The following CTNNA3 variants were observed in gnomAD, a reference collection of about 807,000 sequenced individuals.
The protein encoded by CTNNA3 is catenin alpha-3.
In CTNNA3, 76 loss-of-function variants were observed where a neutral mutation model predicts 95.7. The observed-to-expected ratio is 0.79, with a 90% confidence interval of 0.66 to 0.96. The LOEUF is 0.96. CTNNA3 is among the 40% of genes least tolerant of loss of function. The pLI is 0.00. For synonymous variants in CTNNA3, 431 were observed against 374.4 expected (o/e 1.15, Z -1.74); for missense variants, 1,191 against 1,089.8 (o/e 1.09, Z -1.31).
chr10:66,772,255 C>A (rs534451492), intron 8 of CTNNA3, among the ~76,000 whole-genome samples: 1 of 151,960 alleles, frequency 6.6e-6, no homozygotes, highest in African/African-American at 2.4e-5. Context: ...GAAACCCTGT[C>A]TCTACTAAAA....
At chr10:66,768,833 A>T (rs575428628) in intron 8 of CTNNA3, among the ~76,000 whole-genome samples, 1 of 152,296 alleles carries the variant, frequency 6.6e-6, no homozygotes, top group East Asian at 1.9e-4. Flanking sequence ...AATTAAAAAA[A>T]AGGAATGAGA....
intron 5 of CTNNA3, among the ~76,000 whole-genome samples, chr10:67,480,508 G>C (rs1848177061): frequency 6.6e-6 from 1 of 152,198 alleles, no homozygotes; most frequent in South Asian, 2.1e-4. Flanking sequence ...CCAGAATGAG[G>C]ACAAGGAACA....
intron 7 of CTNNA3, among the ~76,000 whole-genome samples, chr10:66,901,099 A>T (rs1845725211): frequency 6.6e-6 from 1 of 152,242 alleles, no homozygotes; most frequent in Non-Finnish European, 1.5e-5. Context: ...GGTTGAAATA[A>T]AAGAAAAAAT....
At chr10:66,735,791 T>C (rs140855452) in intron 9 of CTNNA3, among the ~76,000 whole-genome samples, 1 of 152,222 alleles carries the variant, frequency 6.6e-6, no homozygotes, top group Non-Finnish European at 1.5e-5. Flanking sequence ...TAGCTCTCAC[T>C]CTTGCCATGG....
chr10:66,410,950 A>T (rs1362795977), intron 11 of CTNNA3, among the ~76,000 whole-genome samples: 1 of 152,240 alleles, frequency 6.6e-6, no homozygotes, highest in Non-Finnish European at 1.5e-5. Flanking sequence ...AAGAGTATAG[A>T]GATCTAAAGA....
chr10:67,075,708 T>G (rs1477735284), intron 7 of CTNNA3, among the ~76,000 whole-genome samples: 2 of 152,214 alleles, frequency 1.3e-5, no homozygotes, highest in Admixed American at 6.5e-5. Context: ...GCATTGAATA[T>G]GAACTGAACT....
chr10:66,807,737 T>C (rs181177007), intron 7 of CTNNA3, among the ~76,000 whole-genome samples: 1 of 152,244 alleles, frequency 6.6e-6, no homozygotes, highest in East Asian at 1.9e-4. Flanking sequence ...AAATACAAAA[T>C]TCAGAGTTAA....
chr10:67,182,112 T>A (rs1253948236), intron 6 of CTNNA3, among the ~76,000 whole-genome samples: 3 of 152,172 alleles, frequency 2.0e-5, no homozygotes, highest in African/African-American at 7.2e-5. Context: ...ATGGCCATAC[T>A]GCCCAAGGTA....
At position 66,225,851 on chromosome 10, in the gene CTNNA3, A is replaced by T. The variant is rs373096896; in HGVS notation, c.1884+54619T>A. On this transcript the variant is annotated intron_variant, in intron 13 of 17. Coordinates refer to ENST00000433211, the MANE Select transcript of CTNNA3 (RefSeq NM_013266.4). ...ATATTGAACATTTTTAAATATACTT[A>T]TTAGCCACTCGTATGTCTTATTTTG... is the stretch of plus-strand genomic sequence containing the variant. Among the ~76,000 whole-genome samples the T allele has an allele frequency of 5.3e-5, 8 of 152,156 alleles. No individual in the cohort carries two copies. The East Asian group carries it at 1.2e-3, about 22-fold the overall frequency.
intron 13 of CTNNA3, among the ~76,000 whole-genome samples, chr10:66,176,524 T>G: frequency 6.6e-6 from 1 of 152,038 alleles, no homozygotes; most frequent in Non-Finnish European, 1.5e-5. Context: ...TATGTAAAAT[T>G]CACAAAAATT....
chr10:66,142,658 G>C (rs955712574), intron 13 of CTNNA3, among the ~76,000 whole-genome samples: 4 of 151,998 alleles, frequency 2.6e-5, no homozygotes, highest in African/African-American at 9.7e-5. Context: ...CTTTTGCTAT[G>C]ACACTGTGAC....
At chr10:66,544,865 T>C (rs184448765) in intron 10 of CTNNA3, among the ~76,000 whole-genome samples, 7 of 152,256 alleles carry the variant, frequency 4.6e-5, no homozygotes, top group African/African-American at 1.7e-4. Context: ...TTATTTTAAA[T>C]GTGTCTAGGA....
At chr10:66,294,659 A>G (rs2091744715) in intron 12 of CTNNA3, among the ~76,000 whole-genome samples, 2 of 152,292 alleles carry the variant, frequency 1.3e-5, no homozygotes, top group Admixed American at 6.5e-5. Context: ...GTACTGAGAT[A>G]GAAACTTCAC....
intron 5 of CTNNA3, among the ~76,000 whole-genome samples, chr10:67,345,620 T>G (rs1842382347): frequency 6.6e-6 from 1 of 152,136 alleles, no homozygotes; most frequent in Admixed American, 6.6e-5. Context: ...TTGAAATCTA[T>G]TTTGTCTGAT....
intron 12 of CTNNA3, among the ~76,000 whole-genome samples, chr10:66,331,342 G>GTTTTTTTTTTTTT (rs60709020): frequency 3.7e-5 from 3 of 80,344 alleles, no homozygotes; most frequent in Admixed American, 1.6e-4. Context: ...CCCATTGTTT[G>GTTTTTTTTTTTTT]TTTTTTTTTT....
chr10:67,299,840 AT>A (rs951237018), intron 5 of CTNNA3, among the ~76,000 whole-genome samples: 50 of 152,342 alleles, frequency 3.3e-4, no homozygotes, highest in African/African-American at 1.1e-3. Context: ...ATTGGCATAC[AT>A]CTGAAAACAC....
intron 5 of CTNNA3, among the ~76,000 whole-genome samples, chr10:67,312,141 C>T (rs1419264967): frequency 1.3e-5 from 2 of 150,314 alleles, no homozygotes; most frequent in Non-Finnish European, 3.0e-5. Flanking sequence ...GGCACAATCT[C>T]GGCTCACTGC....
chr10:66,919,997 T>C (rs1222072922), intron 7 of CTNNA3, among the ~76,000 whole-genome samples: 5 of 152,188 alleles, frequency 3.3e-5, no homozygotes, highest in Non-Finnish European at 7.3e-5. Context: ...TTCTGTATAA[T>C]AAATGGTTGT....
At chr10:66,739,974 C>A (rs990315511) in intron 9 of CTNNA3, among the ~76,000 whole-genome samples, 1 of 152,132 alleles carries the variant, frequency 6.6e-6, no homozygotes, top group African/African-American at 2.4e-5. Flanking sequence ...ACATTAAGCA[C>A]GTGCAAGATA....
Sources: allele counts gnomAD v4.1 joint callset (sites outside exome capture counted in the v4.1 genomes callset), GRCh38; gene constraint gnomAD v4.1.1; transcripts MANE v1.5; gene names NCBI Gene and HGNC (gene_info 2026-07-23, HGNC 2026-07-21).